The following FHIT variants were observed in gnomAD, a reference collection of about 807,000 sequenced individuals.
The protein encoded by FHIT is bis(5'-adenosyl)-triphosphatase.
A neutral mutation model predicts 17.9 loss-of-function variants in FHIT; 19 were observed. That is an observed-to-expected ratio of 1.06 (90% confidence interval 0.74 to 1.56). FHIT has a LOEUF of 1.56. Ranked by LOEUF, FHIT falls within the 40% of genes most tolerant of loss-of-function variation. The pLI is 0.00. For synonymous variants in FHIT, 81 were observed against 69.7 expected, an observed-to-expected ratio of 1.16 and a Z score of -0.81; for missense variants, 248 against 189.2, an observed-to-expected ratio of 1.31 and a Z score of -1.82.
intron 5 of FHIT, among the ~76,000 whole-genome samples, chr3:60,527,306 T>C (rs1483567626): frequency 7.9e-5 from 12 of 152,226 alleles, no homozygotes; most frequent in African/African-American, 2.9e-4. Flanking sequence ...ATTTTTATCT[T>C]GACACATCTT....
intron 5 of FHIT, among the ~76,000 whole-genome samples, chr3:60,147,767 G>C (rs59536237): frequency 0.13 from 19,535 of 152,170 alleles, 1,987 homozygotes; most frequent in African/African-American, 0.28. Flanking sequence ...CAGTCAGCTG[G>C]AAACATATGC....
At chr3:60,141,674 C>G (rs1207258587) in intron 5 of FHIT, among the ~76,000 whole-genome samples, 1 of 152,126 alleles carries the variant, frequency 6.6e-6, no homozygotes, top group Non-Finnish European at 1.5e-5. Context: ...CCTAAAGAGT[C>G]AACTGTTAAA....
At chr3:60,114,040 T>A (rs550729851) in intron 5 of FHIT, among the ~76,000 whole-genome samples, 41 of 14,626 alleles carry the variant, frequency 2.8e-3, no homozygotes, top group Non-Finnish European at 4.5e-3. Flanking sequence ...AAAAAAAATA[T>A]ATATATATAT....
chr3:60,409,395 G>A (rs184628000), intron 5 of FHIT, among the ~76,000 whole-genome samples: 38 of 152,286 alleles, frequency 2.5e-4, no homozygotes, highest in African/African-American at 8.7e-4. Context: ...TCGTGTTCTT[G>A]TAAAGCTGAA....
chr3:60,389,583 G>A (rs9874387), intron 5 of FHIT, among the ~76,000 whole-genome samples: 84,164 of 151,914 alleles, frequency 0.55, 23,733 homozygotes, highest in Non-Finnish European at 0.62. Flanking sequence ...AACTTGTCCA[G>A]TGCAAAGAAG....
chr3:60,445,788 C>CA (rs36014753), intron 5 of FHIT, among the ~76,000 whole-genome samples: 39,241 of 142,886 alleles, frequency 0.27, 5,925 homozygotes, highest in African/African-American at 0.44. Flanking sequence ...AACTTTAAAG[C>CA]AAAAAAAAAA....
chr3:60,965,586 T>G (rs1709689021), intron 3 of FHIT, among the ~76,000 whole-genome samples: 1 of 152,206 alleles, frequency 6.6e-6, no homozygotes, highest in African/African-American at 2.4e-5. Flanking sequence ...ATCTTTGGTC[T>G]TTGATGATGG....
intron 5 of FHIT, among the ~76,000 whole-genome samples, chr3:60,528,755 G>A (rs763214793): frequency 6.6e-6 from 1 of 152,030 alleles, no homozygotes; most frequent in African/African-American, 2.4e-5. Flanking sequence ...TTACAATATT[G>A]AAATACACAA....
intron 4 of FHIT, among the ~76,000 whole-genome samples, chr3:60,722,932 G>A (rs1231712206): frequency 6.6e-6 from 1 of 151,912 alleles, no homozygotes; most frequent in Non-Finnish European, 1.5e-5. Context: ...CCACATTGGC[G>A]CTGGTCTCGA....
chr3:60,760,797 A>G lies in FHIT; in HGVS notation c.-18+61122T>C, dbSNP rs142603180. On this transcript the variant is annotated intron_variant, in intron 4 of 9. Transcript: ENST00000492590. ...TCTTAAGCTACCATAAGAGATCTTCATTCTATTCTGGGTAGGGAGAATGTA... is the reference window on the plus strand; with the variant it reads ...TCTTAAGCTACCATAAGAGATCTTCGTTCTATTCTGGGTAGGGAGAATGTA... Among the ~76,000 whole-genome samples, 1,152 of 152,312 alleles carry G rather than the reference A, an allele frequency of 7.6e-3. 7 individuals are homozygous for G. The highest frequency in any genetic ancestry group is 0.028 in the South Asian group (136 of 4,824).
intron 4 of FHIT, among the ~76,000 whole-genome samples, chr3:60,762,362 T>G (rs1699687042): frequency 6.6e-6 from 1 of 152,144 alleles, no homozygotes; most frequent in Admixed American, 6.5e-5. Context: ...AAGGGAAGAC[T>G]CAGATAACAC....
In FHIT at chr3:61,048,539, A is replaced by G. The variant is rs1015729393; in HGVS notation, c.-163-6440T>C. ...TTTTACACTGCTGGTGGGACTGTAAACTAGTGCAACCATTGTGGAAGACAG... is the reference window on the plus strand; with the variant it reads ...TTTTACACTGCTGGTGGGACTGTAAGCTAGTGCAACCATTGTGGAAGACAG... On this transcript the variant is annotated intron_variant, in intron 2 of 9. Coordinates refer to ENST00000492590, the MANE Select transcript of FHIT (RefSeq NM_002012.4). Among the ~76,000 whole-genome samples the G allele has an allele frequency of 1.1e-4, 17 of 152,216 alleles. 2 individuals carry two copies. Among genetic ancestry groups the G allele is most frequent in the Admixed American group, 1.1e-3 (17 of 15,290 alleles).
chr3:60,093,627 C>T (rs1576083028), intron 5 of FHIT, among the ~76,000 whole-genome samples: 1 of 152,168 alleles, frequency 6.6e-6, no homozygotes, highest in Admixed American at 6.5e-5. Context: ...GGCGGGTGAG[C>T]AAGCATTACT....
At chr3:60,236,193 T>C (rs1277274455) in intron 5 of FHIT, among the ~76,000 whole-genome samples, 1 of 151,494 alleles carries the variant, frequency 6.6e-6, no homozygotes, top group East Asian at 1.9e-4. Context: ...TTCTAAGTGG[T>C]TTGACCTTGC....
rs536408723 is a variant in FHIT, at chr3:60,618,415, T to A, written c.-17-81436A>T. ...TAAGCCCAGCATCCATTAGTTACTCTTCCTTATGCTCTCCCTCCCAGCAGC... is the reference window on the plus strand; with the variant it reads ...TAAGCCCAGCATCCATTAGTTACTCATCCTTATGCTCTCCCTCCCAGCAGC... On this transcript the variant is annotated intron_variant, in intron 4 of 9. Coordinates refer to ENST00000492590, the MANE Select transcript of FHIT (RefSeq NM_002012.4). Among the ~76,000 whole-genome samples the A allele has an allele frequency of 3.3e-5, 5 of 152,242 alleles. No homozygotes were observed. The East Asian group carries it at 9.7e-4, about 29-fold the overall frequency.
chr3:60,470,846 G>C (rs1276256735), intron 5 of FHIT, among the ~76,000 whole-genome samples: 1 of 152,172 alleles, frequency 6.6e-6, no homozygotes, highest in Non-Finnish European at 1.5e-5. Flanking sequence ...AGGGCTCTGA[G>C]TCTCACTCAA....
chr3:60,314,441 A>T lies in FHIT; in HGVS notation c.103+222419T>A, dbSNP rs147598732. On this transcript the variant is annotated intron_variant, in intron 5 of 9. Transcript: ENST00000492590. ...GATAAAATAAAACTCAAAGCCCAGA[A>T]ACTTCAAATAAAATAAGAAAAAATC... 2.4e-3 allele frequency among the ~76,000 whole-genome samples: 361 copies of T among 152,302 alleles called. 4 individuals are homozygous for T. The highest frequency in any genetic ancestry group is 2.5e-3 in the Non-Finnish European group (170 of 68,030).
intron 5 of FHIT, among the ~76,000 whole-genome samples, chr3:60,489,986 C>T (rs2033996255): frequency 6.6e-6 from 1 of 152,086 alleles, no homozygotes; most frequent in Non-Finnish European, 1.5e-5. Flanking sequence ...AGGAAATCAT[C>T]CTTACAGCTT....
At chr3:61,167,047 A>G (rs897662217) in intron 2 of FHIT, 2 of 152,196 alleles carry the variant, frequency 1.3e-5, no homozygotes, top group African/African-American at 4.8e-5. Flanking sequence ...CTCACTCTTC[A>G]GATAAAAACA....
Sources: allele counts gnomAD v4.1 joint callset (sites outside exome capture counted in the v4.1 genomes callset), GRCh38; gene constraint gnomAD v4.1.1; transcripts MANE v1.5; gene names NCBI Gene and HGNC (gene_info 2026-07-23, HGNC 2026-07-21).